The following RBFOX1 variants were observed in gnomAD, a reference collection of about 807,000 sequenced individuals.
RBFOX1 encodes the protein RNA binding protein fox-1 homolog 1.
A neutral mutation model predicts 57.7 loss-of-function variants in RBFOX1; 8 were observed. The observed-to-expected ratio is 0.14, with a 90% confidence interval of 0.08 to 0.25. RBFOX1 has a LOEUF of 0.25. RBFOX1 is among the 10% of genes least tolerant of loss of function. The pLI is 1.00. For missense variants in RBFOX1, 611 were observed against 548.5 expected, an observed-to-expected ratio of 1.11 and a Z score of -1.14; for synonymous variants, 326 against 222.4, an observed-to-expected ratio of 1.47 and a Z score of -4.15.
intron 2 of RBFOX1, among the ~76,000 whole-genome samples, chr16:6,571,173 C>G (rs1323198902): frequency 6.6e-6 from 1 of 152,142 alleles, no homozygotes; most frequent in Non-Finnish European, 1.5e-5. Context: ...GTTTTGACAA[C>G]TACAAACAAA....
At chr16:6,407,596 G>GAGAGAGAGAGAGAGAGAGAGAAC (rs71386523) in intron 2 of RBFOX1, among the ~76,000 whole-genome samples, 3 of 146,090 alleles carry the variant, frequency 2.1e-5, no homozygotes, top group African/African-American at 7.9e-5. Flanking sequence ...AGAGAGAGAA[G>GAGAGAGAGAGAGAGAGAGAGAAC]TACATTCTAT....
At chr16:7,605,405 G>A (rs2095246092) in intron 9 of RBFOX1, among the ~76,000 whole-genome samples, 1 of 152,150 alleles carries the variant, frequency 6.6e-6, no homozygotes. Context: ...GGGGGCCCAG[G>A]AATTAAATAT....
intron 3 of RBFOX1, among the ~76,000 whole-genome samples, chr16:6,780,265 TTATA>T (rs1202824288): frequency 1.2e-5 from 1 of 80,618 alleles, no homozygotes; most frequent in Non-Finnish European, 2.0e-5. Context: ...ATATATATAT[TTATA>T]CATATATATA....
At chr16:7,703,037 T>C (rs1295465033) in intron 14 of RBFOX1, among the ~76,000 whole-genome samples, 6 of 152,200 alleles carry the variant, frequency 3.9e-5, no homozygotes, top group Non-Finnish European at 8.8e-5. Flanking sequence ...TTTGACCCTA[T>C]ACAGGGAAGT....
At chr16:6,636,053 T>G (rs148674311) in intron 2 of RBFOX1, among the ~76,000 whole-genome samples, 1 of 152,206 alleles carries the variant, frequency 6.6e-6, no homozygotes, top group East Asian at 1.9e-4. Context: ...CTTGAAACAG[T>G]TTTGAGTGTA....
intron 7 of RBFOX1, among the ~76,000 whole-genome samples, chr16:7,594,303 T>A (rs2094583108): frequency 6.6e-6 from 1 of 152,176 alleles, no homozygotes; most frequent in South Asian, 2.1e-4. Context: ...TAAAACTAAG[T>A]ATTATACTGT....
intron 4 of RBFOX1, among the ~76,000 whole-genome samples, chr16:7,372,300 G>C (rs1048856760): frequency 1.3e-5 from 2 of 152,244 alleles, no homozygotes; most frequent in African/African-American, 2.4e-5. Context: ...GGATCATGTC[G>C]GTACTAGCAG....
At chr16:7,188,658 C>A (rs1328963533) in intron 4 of RBFOX1, among the ~76,000 whole-genome samples, 3 of 152,138 alleles carry the variant, frequency 2.0e-5, no homozygotes, top group East Asian at 1.9e-4. Context: ...GTATCATTAT[C>A]CTGAGTTGAA....
At chr16:5,681,116 C>T (rs1170918061) in intron 3 of RBFOX1, among the ~76,000 whole-genome samples, 1 of 152,034 alleles carries the variant, frequency 6.6e-6, no homozygotes, top group Non-Finnish European at 1.5e-5. Context: ...CTCTGTCACC[C>T]AGTCTGGAGT....
rs761954013 is a variant in RBFOX1, at chr16:6,097,621, G to C, written c.-127+77629G>C. Among the ~76,000 whole-genome samples the C allele has an allele frequency of 6.6e-6, 1 of 152,176 alleles. No homozygotes were observed. The highest frequency in any genetic ancestry group is 6.5e-5 in the Admixed American group (1 of 15,280). On this transcript the variant is annotated intron_variant, in intron 1 of 15. Transcript: ENST00000550418. The surrounding 1 kb of genome is among the most constrained non-coding windows in gnomAD (Gnocchi z 5.0). ...CTCATTTCACAGATGAGAAAAATGA[G>C]TCAGTAGGAGGAAAAGTGATTGACT...
At chr16:5,316,568 A>C (rs1015709502) in intron 1 of RBFOX1, among the ~76,000 whole-genome samples, 3 of 152,226 alleles carry the variant, frequency 2.0e-5, no homozygotes, top group African/African-American at 7.2e-5. Context: ...TGGGCACATT[A>C]CTTAGCCACG....
At chr16:6,994,616 T>C (rs574980034) in intron 3 of RBFOX1, among the ~76,000 whole-genome samples, 30 of 152,324 alleles carry the variant, frequency 2.0e-4, no homozygotes, top group African/African-American at 7.2e-4. Context: ...TATCTGCTAG[T>C]GTTTTGATTA....
At chr16:5,657,324 A>G (rs531143578) in intron 3 of RBFOX1, among the ~76,000 whole-genome samples, 1 of 152,280 alleles carries the variant, frequency 6.6e-6, no homozygotes, top group East Asian at 1.9e-4. Context: ...TGTATCACAA[A>G]CCCTTTGTGG....
intron 4 of RBFOX1, among the ~76,000 whole-genome samples, chr16:7,333,285 T>A (rs919624550): frequency 1.3e-5 from 2 of 152,142 alleles, no homozygotes; most frequent in Admixed American, 1.3e-4. Context: ...GAATAAATGG[T>A]GTAGTTGAGC....
intron 4 of RBFOX1, among the ~76,000 whole-genome samples, chr16:7,416,312 C>T (rs755602007): frequency 1.3e-4 from 20 of 152,322 alleles, no homozygotes; most frequent in African/African-American, 3.6e-4. Context: ...TCTGAGCTTA[C>T]GGACAAGTCA....
At chr16:6,423,823 G>C (rs1330008034) in intron 2 of RBFOX1, among the ~76,000 whole-genome samples, 1 of 152,096 alleles carries the variant, frequency 6.6e-6, no homozygotes, top group Non-Finnish European at 1.5e-5. Context: ...AATCAGAACA[G>C]AAGAGAAATG....
chr16:5,552,933 G>A (rs887446204), intron 2 of RBFOX1, among the ~76,000 whole-genome samples: 1 of 152,052 alleles, frequency 6.6e-6, no homozygotes, highest in African/African-American at 2.4e-5. Context: ...AAGGCAAGGT[G>A]TATGGAATAC....
chr16:5,629,592 A>T (rs975928112), intron 3 of RBFOX1, among the ~76,000 whole-genome samples: 1 of 152,188 alleles, frequency 6.6e-6, no homozygotes, highest in Non-Finnish European at 1.5e-5. Flanking sequence ...CTTAGGACCA[A>T]TGCCTTCTGG....
intron 4 of RBFOX1, among the ~76,000 whole-genome samples, chr16:7,231,568 T>G (rs1480604948): frequency 1.3e-5 from 2 of 152,180 alleles, no homozygotes; most frequent in African/African-American, 4.8e-5. Flanking sequence ...GTAAACAGAT[T>G]CACTTGAATC....
Sources: allele counts gnomAD v4.1 joint callset (sites outside exome capture counted in the v4.1 genomes callset), GRCh38; gene constraint gnomAD v4.1.1; non-coding constraint Gnocchi (gnomAD v3.1); transcripts MANE v1.5; gene names NCBI Gene and HGNC (gene_info 2026-07-23, HGNC 2026-07-21).